Variants in GSG1L observed in about 807,000 individuals in gnomAD.
The protein encoded by GSG1L is germ cell-specific gene 1-like protein.
In GSG1L, 24 loss-of-function variants were observed where a neutral mutation model predicts 42.1. The ratio of observed to expected loss-of-function variants is 0.57; its 90% CI spans 0.41 to 0.80. The LOEUF (loss-of-function observed/expected upper bound fraction) is 0.80, where lower values mean the gene tolerates loss of function less well. Ranked by LOEUF, GSG1L falls within the 30% of genes least tolerant of loss-of-function variation. The pLI, the probability that GSG1L is intolerant of heterozygous loss-of-function variation, is 0.00. For missense variants in GSG1L, 445 were observed against 472.2 expected (o/e 0.94, Z 0.53); for synonymous variants, 215 against 203.5 (o/e 1.06, Z -0.48).
At chr16:27,872,634 G>T (rs779175020) in intron 3 of GSG1L, among the ~76,000 whole-genome samples, 1 of 152,156 alleles carries the variant, frequency 6.6e-6, no homozygotes, top group Non-Finnish European at 1.5e-5. Context: ...TGATAAAACA[G>T]GTTGCGGTAA....
chr16:27,859,326 T>C (rs2083615235), intron 3 of GSG1L, among the ~76,000 whole-genome samples: 1 of 152,172 alleles, frequency 6.6e-6, no homozygotes, highest in South Asian at 2.1e-4. Flanking sequence ...CCTTCAAGAT[T>C]GGGACCTAGG....
At chr16:27,879,751 AGTT>A (rs1370609662) in intron 3 of GSG1L, among the ~76,000 whole-genome samples, 14 of 152,020 alleles carry the variant, frequency 9.2e-5, no homozygotes, top group African/African-American at 2.4e-4. Context: ...ATATGTAAAT[AGTT>A]GTTGTATTGT....
intron 2 of GSG1L, among the ~76,000 whole-genome samples, chr16:27,926,978 C>T (rs1290198412): frequency 6.6e-6 from 1 of 152,082 alleles, no homozygotes; most frequent in Non-Finnish European, 1.5e-5. Context: ...GAGTTTGACG[C>T]CAGAAGCCAA....
At chr16:27,938,323 G>A (rs965505574) in intron 2 of GSG1L, among the ~76,000 whole-genome samples, 1 of 149,816 alleles carries the variant, frequency 6.7e-6, no homozygotes, top group African/African-American at 2.5e-5. Context: ...ATGGAGGTTG[G>A]GTTGCAGTGA....
At chr16:28,036,447 G>C (rs1276486642) in intron 1 of GSG1L, among the ~76,000 whole-genome samples, 1 of 152,174 alleles carries the variant, frequency 6.6e-6, no homozygotes, top group Non-Finnish European at 1.5e-5. Flanking sequence ...AGTTAGTGGA[G>C]AAAGACTCCA....
At chr16:28,031,126 T>C (rs1390297189) in intron 1 of GSG1L, among the ~76,000 whole-genome samples, 3 of 142,944 alleles carry the variant, frequency 2.1e-5, no homozygotes, top group East Asian at 4.3e-4. Context: ...TGAGATAGGT[T>C]GGGATGGGAT....
intron 1 of GSG1L, among the ~76,000 whole-genome samples, chr16:27,987,257 A>T (rs1179507215): frequency 7.9e-5 from 12 of 152,224 alleles, no homozygotes; most frequent in Admixed American, 7.9e-4. Flanking sequence ...TCATAAAATA[A>T]AATAGAAATG....
chr16:27,988,753 G>GAAA (rs34644311), intron 1 of GSG1L, among the ~76,000 whole-genome samples: 1 of 142,988 alleles, frequency 7.0e-6, no homozygotes, highest in Non-Finnish European at 1.5e-5. Context: ...CTGCAATTAA[G>GAAA]AAAAAAAAAA....
chr16:27,908,272 A>T (rs1307996451), intron 2 of GSG1L, among the ~76,000 whole-genome samples: 1 of 152,262 alleles, frequency 6.6e-6, no homozygotes, highest in East Asian at 1.9e-4. Context: ...GTGCCTAGAC[A>T]TAAAGCAAGC....
At chr16:27,994,817 G>A (rs558451368) in intron 1 of GSG1L, among the ~76,000 whole-genome samples, 63 of 152,296 alleles carry the variant, frequency 4.1e-4, no homozygotes, top group African/African-American at 1.4e-3. Context: ...AGGCTGAGAG[G>A]TCACAGGGCC....
chr16:27,883,548 T>G (rs2083988223), intron 3 of GSG1L, among the ~76,000 whole-genome samples: 1 of 152,222 alleles, frequency 6.6e-6, no homozygotes, highest in Non-Finnish European at 1.5e-5. Flanking sequence ...ATACCTCAAT[T>G]AGGAGAGATT....
chr16:27,850,642 A>G, intron 3 of GSG1L: 2 of 453,688 alleles, frequency 4.4e-6, no homozygotes, highest in South Asian at 3.1e-5. Flanking sequence ...GGTTTAGAAG[A>G]GGAGGAGGGT....
chr16:27,950,543 G>A lies in GSG1L; in HGVS notation c.397+12613C>T, dbSNP rs558828421. ...CCAGCACTTCAGAATTAAGGAGGTG[G>A]GAGGGCCAGGTGTGTTTCTCAAGCA... On this transcript the variant is annotated intron_variant, in intron 2 of 6. Coordinates refer to ENST00000447459, the MANE Select transcript of GSG1L (RefSeq NM_001109763.2). 2.6e-5 allele frequency among the ~76,000 whole-genome samples: 4 copies of A among 152,192 alleles called. No individual in the cohort carries two copies. The East Asian group carries it at 7.7e-4, about 29-fold the overall frequency.
At chr16:27,921,773 G>A (rs561730139) in intron 2 of GSG1L, among the ~76,000 whole-genome samples, 66 of 152,214 alleles carry the variant, frequency 4.3e-4, no homozygotes, top group African/African-American at 1.5e-3. Flanking sequence ...TTGTTTTAGT[G>A]ACCTGTCTTA....
At chr16:28,050,973 C>G (rs905960553) in intron 1 of GSG1L, among the ~76,000 whole-genome samples, 19 of 152,210 alleles carry the variant, frequency 1.2e-4, no homozygotes, top group African/African-American at 4.6e-4. Flanking sequence ...CACCTCCTGT[C>G]GTCTGTCTTC....
chr16:27,924,146 A>C (rs142971806), intron 2 of GSG1L, among the ~76,000 whole-genome samples: 4 of 151,838 alleles, frequency 2.6e-5, no homozygotes, highest in African/African-American at 7.2e-5. Flanking sequence ...AAATGCTTAT[A>C]AAAATATATA....
intron 4 of GSG1L, among the ~76,000 whole-genome samples, chr16:27,831,767 G>A (rs554689289): frequency 6.6e-6 from 1 of 152,346 alleles, no homozygotes; most frequent in Admixed American, 6.5e-5. Flanking sequence ...GCCTTTCCAT[G>A]TACTTTACAT....
chr16:27,987,568 G>C, intron 1 of GSG1L, among the ~76,000 whole-genome samples: 1 of 152,158 alleles, frequency 6.6e-6, no homozygotes, highest in Non-Finnish European at 1.5e-5. Flanking sequence ...TGTTAACTCG[G>C]GACCCAGACA....
chr16:27,839,438 C>T (rs2140977321), intron 4 of GSG1L, among the ~76,000 whole-genome samples: 1 of 152,316 alleles, frequency 6.6e-6, no homozygotes, highest in East Asian at 1.9e-4. Flanking sequence ...TTCCATTTCT[C>T]TCCAGACTGA....
Sources: allele counts gnomAD v4.1 joint callset (sites outside exome capture counted in the v4.1 genomes callset), GRCh38; gene constraint gnomAD v4.1.1; transcripts MANE v1.5; gene names NCBI Gene and HGNC (gene_info 2026-07-23, HGNC 2026-07-21).